FRMD1: variants seen among roughly 807,000 people sequenced by gnomAD.
The protein encoded by FRMD1 is FERM domain containing 1.
In FRMD1, 51 loss-of-function variants were observed where a neutral mutation model predicts 54.9. The ratio of observed to expected loss-of-function variants is 0.93; its 90% CI spans 0.74 to 1.17. The LOEUF is 1.17. Among genes scored for constraint, FRMD1 ranks in the 50% most tolerant of loss-of-function variants. The pLI is 0.00. For missense variants in FRMD1, 729 were observed against 743.0 expected (o/e 0.98, Z 0.22); for synonymous variants, 324 against 306.4 (o/e 1.06, Z -0.60).
rs371545856 is a variant in FRMD1, at chr6:168,066,866, C to T, written c.385-35G>A. The T allele has an allele frequency of 1.7e-5, 28 of 1,606,978 alleles. 1 individual carries two copies. The highest frequency in any genetic ancestry group is 1.7e-4 in the Middle Eastern group (1 of 6,012). On this transcript the variant is annotated intron_variant, in intron 3 of 10. Coordinates refer to ENST00000283309, the MANE Select transcript of FRMD1 (RefSeq NM_024919.6). ...AAAATGCAAGAAAGAGCAAGTGAGC[C>T]GCAGGGAGGTGCCGCTGGCTGTCCT...
intron 2 of FRMD1, among the ~76,000 whole-genome samples, chr6:168,073,265 A>C (rs1800398623): frequency 6.6e-6 from 1 of 150,930 alleles, no homozygotes; most frequent in African/African-American, 2.4e-5. Flanking sequence ...TGACAAACAC[A>C]GCAGCAAAGG....
upstream of FRMD1, among the ~76,000 whole-genome samples, chr6:168,079,995 A>G (rs533915372): frequency 3.1e-3 from 478 of 152,044 alleles, 1 homozygote; most frequent in Non-Finnish European, 5.0e-3. Flanking sequence ...GGCAGTTCCC[A>G]CGGGCCTGGG....
chr6:168,063,486 T>G, intron 6 of FRMD1, 115 bp downstream of exon 6: 2 of 1,141,264 alleles, frequency 1.8e-6, no homozygotes, highest in Non-Finnish European at 2.3e-6. Flanking sequence ...CTCTTAGCCA[T>G]GGGGGCTCCA....
upstream of FRMD1, chr6:168,081,447 GA>G (rs1224406161): frequency 5.2e-6 from 8 of 1,535,576 alleles, no homozygotes; most frequent in Admixed American, 1.4e-4. Flanking sequence ...AGGCCGCGAG[GA>G]AGAGGAGACC....
At position 168,063,507 on chromosome 6, in the gene FRMD1, C is replaced by T. The variant is rs948703340; in HGVS notation, c.804+94G>A. 4.4e-6 allele frequency: 6 copies of T among 1,370,236 alleles called. No homozygotes were observed. In the African/African-American group the frequency reaches 8.9e-5, roughly 20 times the overall value. 84.9% of individuals were successfully genotyped at this position (1,370,236 alleles called of 1,614,324 possible). ...GCCATGGGGGCTCCATCCATCCCTG[C>T]CCTGGGGTCCTGATCCCACTCAGCC... On this transcript the variant is annotated intron_variant, in intron 6 of 10. Transcript: ENST00000283309.
At chr6:168,081,309 C>T, upstream of FRMD1, 1 of 1,473,892 alleles carries the variant, frequency 6.8e-7, no homozygotes, top group Non-Finnish European at 9.0e-7. Flanking sequence ...CCTGAGAAGG[C>T]AGAGGCGTGA....
upstream of FRMD1, among the ~76,000 whole-genome samples, chr6:168,079,598 C>T (rs1474620183): frequency 6.6e-6 from 1 of 152,208 alleles, no homozygotes; most frequent in Non-Finnish European, 1.5e-5. Flanking sequence ...GGGCACCCTG[C>T]CCCACACACC....
At chr6:168,066,984 G>T in intron 3 of FRMD1, 153 bp from the exon 4 acceptor site, 1 of 993,752 alleles carries the variant, frequency 1.0e-6, no homozygotes, top group Non-Finnish European at 1.5e-6. Flanking sequence ...TCGACTCATG[G>T]TATTTTCTAC....
intron 1 of FRMD1, among the ~76,000 whole-genome samples, chr6:168,091,809 G>C (rs1260125492): frequency 6.6e-6 from 1 of 152,204 alleles, no homozygotes; most frequent in Non-Finnish European, 1.5e-5. Flanking sequence ...GAAACAAAAC[G>C]GCCTCTGTTC....
intron 1 of FRMD1, among the ~76,000 whole-genome samples, chr6:168,092,382 C>T (rs558495468): frequency 1.8e-4 from 27 of 152,194 alleles, no homozygotes; most frequent in Admixed American, 7.8e-4. Flanking sequence ...AATTCTCACG[C>T]GAGGGGGATG....
chr6:168,081,437 A>C (rs1404845492), upstream of FRMD1: 3 of 1,535,496 alleles, frequency 2.0e-6, no homozygotes, highest in Non-Finnish European at 2.6e-6. Flanking sequence ...GGACGGGCAG[A>C]GGCCGCGAGG....
intron 2 of FRMD1, among the ~76,000 whole-genome samples, chr6:168,072,994 G>T (rs1404528683): frequency 6.6e-6 from 1 of 152,166 alleles, no homozygotes; most frequent in Non-Finnish European, 1.5e-5. Flanking sequence ...GGGGCACAGG[G>T]TCTGGGAAGC....
chr6:168,075,115 G>A, intron 2 of FRMD1, 130 bp downstream of exon 2: 2 of 738,850 alleles, frequency 2.7e-6, no homozygotes, highest in South Asian at 1.5e-5. Context: ...TGCATGGTGT[G>A]TGCATGTGTA....
intron 1 of FRMD1, among the ~76,000 whole-genome samples, chr6:168,091,674 C>T (rs1724443484): frequency 6.6e-6 from 1 of 152,254 alleles, no homozygotes; most frequent in Admixed American, 6.5e-5. Flanking sequence ...GGCCCAGGGA[C>T]CCTGAGAACA....
chr6:168,069,719 C>T (rs1294816521), intron 2 of FRMD1, among the ~76,000 whole-genome samples: 6 of 152,282 alleles, frequency 3.9e-5, no homozygotes, highest in Non-Finnish European at 5.9e-5. Context: ...TCAAACACTA[C>T]GAGAACAATA....
rs1424676798 is a variant in FRMD1 at position 168,055,792 on chromosome 6, G to T, written c.*1305C>A. 1.3e-5 allele frequency: 2 copies of T among 152,180 alleles called. No individual in the cohort carries two copies. The highest frequency in any genetic ancestry group is 6.5e-5 in the Admixed American group (1 of 15,282). 9.4% of individuals were successfully genotyped at this position (152,180 alleles called of 1,614,324 possible). ...CAGCCCCCCAGGCAGGCTGGTCCTG[G>T]TTCAAGCAGGAGGCATCTGCTCGGG... On this transcript the variant is annotated 3_prime_UTR_variant, in exon 11 of 11. Coordinates refer to ENST00000283309, the MANE Select transcript of FRMD1 (RefSeq NM_024919.6).
At chr6:168,060,353 G>T (rs1381845803) in intron 9 of FRMD1, among the ~76,000 whole-genome samples, 4 of 117,074 alleles carry the variant, frequency 3.4e-5, no homozygotes, top group Admixed American at 1.9e-4. Context: ...TTGGGAGGGG[G>T]GTTCTTCCTA....
chr6:168,082,996 C>T (rs1447617515), upstream of FRMD1, among the ~76,000 whole-genome samples: 1 of 152,148 alleles, frequency 6.6e-6, no homozygotes. Context: ...CAAGCCTGGC[C>T]CAGGGGCAGA....
chr6:168,072,389 G>A (rs1005383858), intron 2 of FRMD1, among the ~76,000 whole-genome samples: 2 of 152,212 alleles, frequency 1.3e-5, no homozygotes, highest in Admixed American at 6.5e-5. Flanking sequence ...CCTCACACCC[G>A]TGGTCGCCTT....
Sources: allele counts gnomAD v4.1 joint callset (sites outside exome capture counted in the v4.1 genomes callset), GRCh38; gene constraint gnomAD v4.1.1; transcripts MANE v1.5; gene names NCBI Gene and HGNC (gene_info 2026-07-23, HGNC 2026-07-21).